ARHGEF9: variants seen among roughly 807,000 people sequenced by gnomAD.
The protein encoded by ARHGEF9 is rho guanine nucleotide exchange factor 9.
ARHGEF9 carries 2 observed loss-of-function variants against 41.3 expected under a neutral mutation model. The ratio of observed to expected loss-of-function variants is 0.05; its 90% CI spans 0.02 to 0.15. The LOEUF is 0.15. Among genes scored for constraint, ARHGEF9 ranks in the 10% least tolerant of loss-of-function variants. The pLI is 1.00. For synonymous variants in ARHGEF9, 160 were observed against 154.4 expected (o/e 1.04, Z -0.27); for missense variants, 225 against 424.7 (o/e 0.53, Z 4.13).
intron 5 of ARHGEF9, among the ~76,000 whole-genome samples, chrX:63,675,147 A>G (rs2050180725): frequency 9.0e-6 from 1 of 111,530 alleles, no homozygotes; most frequent in Non-Finnish European, 1.9e-5. Context: ...CCATGAGGCC[A>G]CCATACCAGT....
chrX:63,694,051 C>T (rs2051564587), intron 4 of ARHGEF9, among the ~76,000 whole-genome samples: 1 of 110,254 alleles, frequency 9.1e-6, no homozygotes, highest in Admixed American at 9.6e-5. Context: ...GGTGTAATGG[C>T]ACATGCCTGT....
chrX:63,707,759 G>A (rs1308308342), intron 2 of ARHGEF9, among the ~76,000 whole-genome samples: 1 of 111,456 alleles, frequency 9.0e-6, no homozygotes, highest in Non-Finnish European at 1.9e-5. Context: ...GGGGGAAGAG[G>A]CTTTGGGATA....
At chrX:63,645,347 T>C (rs1427154913) in intron 8 of ARHGEF9, among the ~76,000 whole-genome samples, 3 of 110,689 alleles carry the variant, frequency 2.7e-5, no homozygotes, top group Admixed American at 9.7e-5. Flanking sequence ...CATTTAACAT[T>C]AGGTATATCT....
chrX:63,775,610 G>GTGAGA (rs1217877546), intron 1 of ARHGEF9, among the ~76,000 whole-genome samples: 2 of 112,072 alleles, frequency 1.8e-5, no homozygotes, highest in African/African-American at 6.5e-5. Context: ...ACTTACAAGT[G>GTGAGA]TGAGATAAAC....
chrX:63,696,137 T>C (rs181798556), intron 4 of ARHGEF9, among the ~76,000 whole-genome samples: 1 of 111,625 alleles, frequency 9.0e-6, no homozygotes, highest in East Asian at 2.8e-4. Flanking sequence ...TGAGTCCAAA[T>C]CACTAAACAT....
At chrX:63,675,946 A>G (rs1310032490) in intron 5 of ARHGEF9, among the ~76,000 whole-genome samples, 2 of 112,157 alleles carry the variant, frequency 1.8e-5, no homozygotes, top group African/African-American at 6.5e-5. Context: ...CCTTGTGGTC[A>G]CTAGTCTGCT....
chrX:63,744,500 C>CTT (rs2055149904), intron 1 of ARHGEF9, among the ~76,000 whole-genome samples: 1 of 112,463 alleles, frequency 8.9e-6, no homozygotes, highest in Non-Finnish European at 1.9e-5. Context: ...TCTGCAGTGA[C>CTT]TTTAAGTGGC....
chrX:63,760,094 GA>G (rs371746019), intron 1 of ARHGEF9, among the ~76,000 whole-genome samples: 1,771 of 104,515 alleles, frequency 0.017, 44 homozygotes, highest in African/African-American at 0.048. Flanking sequence ...TTCTGTCAGG[GA>G]AAAAAAAAAA....
At chrX:63,701,787 A>C (rs2052201106) in intron 3 of ARHGEF9, 1 of 111,997 alleles carries the variant, frequency 8.9e-6, no homozygotes, top group Non-Finnish European at 1.9e-5. Flanking sequence ...ACTCCATGAA[A>C]ATGGGCAAAG....
At chrX:63,695,110 A>C (rs1556386253) in intron 4 of ARHGEF9, among the ~76,000 whole-genome samples, 2 of 111,246 alleles carry the variant, frequency 1.8e-5, no homozygotes, top group African/African-American at 6.5e-5. Context: ...TCCCCAGGGG[A>C]CATTTGTCAA....
At chrX:63,677,320 A>G (rs1234020207) in intron 5 of ARHGEF9, among the ~76,000 whole-genome samples, 1 of 111,782 alleles carries the variant, frequency 8.9e-6, no homozygotes, top group African/African-American at 3.3e-5. Flanking sequence ...TATATCAATC[A>G]TCTGTAAGCA....
intron 3 of ARHGEF9, among the ~76,000 whole-genome samples, chrX:63,702,308 CTT>C (rs1365048046): frequency 1.8e-5 from 2 of 112,301 alleles, no homozygotes; most frequent in Non-Finnish European, 3.8e-5. Context: ...CTTGATTGTA[CTT>C]TGAGTTCTAA....
chrX:63,742,909 C>T (rs1177368516), intron 1 of ARHGEF9, among the ~76,000 whole-genome samples: 1 of 112,143 alleles, frequency 8.9e-6, no homozygotes, highest in Non-Finnish European at 1.9e-5. Flanking sequence ...TAGCATATGC[C>T]TACTTCTTTC....
chrX:63,713,811 C>A (rs1421455162), intron 2 of ARHGEF9, among the ~76,000 whole-genome samples: 2 of 110,760 alleles, frequency 1.8e-5, no homozygotes, highest in African/African-American at 6.6e-5. Context: ...TGCCAGGAAG[C>A]ACTTAGCATT....
rs1241851627 is a variant in ARHGEF9, at chrX:63,647,852, G to A, written c.1322-3804C>T. The stretch of plus-strand genomic sequence containing the variant: ...TCTGGTAGAATTTGGCTGTGAATCC[G>A]TCTGGTCCTGGACTTTTTTTGGTTA... On this transcript the variant is annotated intron_variant, in intron 8 of 9. Coordinates refer to ENST00000671741, the MANE Select transcript of ARHGEF9 (RefSeq NM_001353921.2). Among the ~76,000 whole-genome samples the A allele has an allele frequency of 1.3e-4, 15 of 111,146 alleles. No individual in the cohort carries two copies. The South Asian group carries it at 4.6e-3, about 34-fold the overall frequency.
chrX:63,766,481 C>T (rs1377823340), intron 1 of ARHGEF9, among the ~76,000 whole-genome samples: 6 of 111,826 alleles, frequency 5.4e-5, no homozygotes. Context: ...TCTCTTAGGG[C>T]CAGCTCCAGG....
At chrX:63,702,807 T>C (rs1556397229) in intron 3 of ARHGEF9, among the ~76,000 whole-genome samples, 1 of 111,871 alleles carries the variant, frequency 8.9e-6, no homozygotes, top group Non-Finnish European at 1.9e-5. Flanking sequence ...ACAGTTTTTC[T>C]CTAGTGAGGG....
At chrX:63,644,125 T>G (rs1556309774) in intron 8 of ARHGEF9, 77 bp from the exon 9 acceptor site, 1 of 707,405 alleles carries the variant, frequency 1.4e-6, no homozygotes, top group African/African-American at 2.2e-5. Flanking sequence ...TAAACTTTTC[T>G]GTAAGAAAGA....
intron 1 of ARHGEF9, among the ~76,000 whole-genome samples, chrX:63,751,372 G>A (rs782348555): frequency 6.1e-4 from 68 of 111,461 alleles, no homozygotes; most frequent in South Asian, 1.5e-3. Flanking sequence ...ATAGGGTTCC[G>A]CTTCTCTGGG....
Sources: gnomAD v4.1 joint callset for allele counts (sites outside exome capture counted in the v4.1 genomes callset) on GRCh38, gnomAD v4.1.1 for gene constraint, MANE v1.5 for transcripts, NCBI Gene and HGNC (gene_info 2026-07-23, HGNC 2026-07-21) for gene names.